UNC5D: variants seen among roughly 807,000 people sequenced by gnomAD.
The protein encoded by UNC5D is netrin receptor UNC5D.
UNC5D carries 39 observed loss-of-function variants against 105.4 expected under a neutral mutation model. The ratio of observed to expected loss-of-function variants is 0.37; its 90% CI spans 0.29 to 0.48. UNC5D has a LOEUF of 0.48. Ranked by LOEUF, UNC5D falls within the 20% of genes least tolerant of loss-of-function variation. UNC5D has a pLI of 0.98. For missense variants in UNC5D, 991 were observed against 1,202.4 expected (o/e 0.82, Z 2.60); for synonymous variants, 452 against 450.4 (o/e 1.00, Z -0.04).
chr8:35,751,669 A>G (rs1330502760), intron 13 of UNC5D, among the ~76,000 whole-genome samples: 2 of 152,188 alleles, frequency 1.3e-5, no homozygotes, highest in African/African-American at 4.8e-5. Flanking sequence ...TGACTGGGAT[A>G]CCTACCTTGA....
intron 1 of UNC5D, among the ~76,000 whole-genome samples, chr8:35,279,420 A>G (rs1014679902): frequency 2.0e-5 from 3 of 152,250 alleles, no homozygotes; most frequent in Non-Finnish European, 4.4e-5. Context: ...AACTTTTACA[A>G]TATCCAGAGA....
intron 9 of UNC5D, among the ~76,000 whole-genome samples, chr8:35,725,079 C>T (rs1403610295): frequency 6.6e-6 from 1 of 152,198 alleles, no homozygotes; most frequent in Non-Finnish European, 1.5e-5. Flanking sequence ...AGATTTCCTA[C>T]TGGCGTTGCT....
chr8:35,525,700 C>T, intron 1 of UNC5D: 1 of 1,600,902 alleles, frequency 6.2e-7, no homozygotes, highest in Non-Finnish European at 8.5e-7. Context: ...AGCCGCTGCT[C>T]CTGGCACGTC....
At chr8:35,551,861 C>T (rs1816173751) in intron 2 of UNC5D, among the ~76,000 whole-genome samples, 1 of 151,398 alleles carries the variant, frequency 6.6e-6, no homozygotes, top group Non-Finnish European at 1.5e-5. Context: ...AAAGAAGTTA[C>T]CAGGGGATGC....
At chr8:35,490,628 A>T (rs1811153066) in intron 1 of UNC5D, among the ~76,000 whole-genome samples, 1 of 152,276 alleles carries the variant, frequency 6.6e-6, no homozygotes, top group African/African-American at 2.4e-5. Flanking sequence ...AGGATCTTTG[A>T]TGGTAATATA....
At chr8:35,260,768 G>A (rs1319461957) in intron 1 of UNC5D, among the ~76,000 whole-genome samples, 1 of 152,138 alleles carries the variant, frequency 6.6e-6, no homozygotes, top group Non-Finnish European at 1.5e-5. Flanking sequence ...TTGAACAATG[G>A]CGTAGGGAGC....
At chr8:35,384,266 A>C (rs1246230528) in intron 1 of UNC5D, among the ~76,000 whole-genome samples, 1 of 152,036 alleles carries the variant, frequency 6.6e-6, no homozygotes, top group Non-Finnish European at 1.5e-5. Flanking sequence ...ATATGGTCTT[A>C]TATGTGTATT....
chr8:35,578,757 A>C (rs997992896), intron 3 of UNC5D, among the ~76,000 whole-genome samples: 8 of 152,202 alleles, frequency 5.3e-5, no homozygotes, highest in Admixed American at 3.9e-4. Flanking sequence ...TATGTAATTG[A>C]TATAAGTTGT....
intron 14 of UNC5D, among the ~76,000 whole-genome samples, chr8:35,766,341 C>T (rs905322520): frequency 1.3e-5 from 2 of 151,968 alleles, no homozygotes; most frequent in African/African-American, 2.4e-5. Context: ...CTCCCTCTTT[C>T]TCTCCCTGGC....
chr8:35,533,373 A>C (rs1469642347), intron 1 of UNC5D, among the ~76,000 whole-genome samples: 2 of 152,050 alleles, frequency 1.3e-5, no homozygotes, highest in African/African-American at 4.8e-5. Context: ...GTCAGGGGTC[A>C]GGGACCCACT....
At chr8:35,314,981 C>T (rs555479572) in intron 1 of UNC5D, among the ~76,000 whole-genome samples, 2 of 152,114 alleles carry the variant, frequency 1.3e-5, no homozygotes, top group Admixed American at 6.6e-5. Context: ...TTTATCAGGT[C>T]GGTGAGAGTA....
intron 10 of UNC5D, 169 bp downstream of exon 10, chr8:35,726,698 C>G (rs1043108820): frequency 1.0e-4 from 104 of 1,041,150 alleles, no homozygotes; most frequent in Non-Finnish European, 1.2e-4. Context: ...AGAACCAATG[C>G]TGAGATTAGA....
intron 1 of UNC5D, among the ~76,000 whole-genome samples, chr8:35,317,364 T>C (rs1339629051): frequency 6.6e-6 from 1 of 152,146 alleles, no homozygotes; most frequent in Non-Finnish European, 1.5e-5. Context: ...GTAGTTTGGG[T>C]CATCTGGTCA....
chr8:35,746,000 C>G (rs1829987844), intron 11 of UNC5D, among the ~76,000 whole-genome samples: 1 of 151,594 alleles, frequency 6.6e-6, no homozygotes, highest in South Asian at 2.1e-4. Context: ...TGTCCACATC[C>G]AATTAAAGGC....
At chr8:35,294,059 A>C (rs1190777352) in intron 1 of UNC5D, among the ~76,000 whole-genome samples, 8 of 152,210 alleles carry the variant, frequency 5.3e-5, no homozygotes, top group Non-Finnish European at 1.2e-4. Context: ...TCAATGAAAT[A>C]AATCCAAGAG....
intron 1 of UNC5D, among the ~76,000 whole-genome samples, chr8:35,329,702 G>A (rs1397991340): frequency 6.6e-6 from 1 of 152,046 alleles, no homozygotes; most frequent in Non-Finnish European, 1.5e-5. Flanking sequence ...CTGTAACTGG[G>A]GCCTAGTGCA....
intron 1 of UNC5D, among the ~76,000 whole-genome samples, chr8:35,285,907 T>C (rs1469182460): frequency 1.3e-5 from 2 of 152,196 alleles, no homozygotes; most frequent in East Asian, 1.9e-4. Context: ...AGTTAGCACA[T>C]TTTATATGAC....
At chr8:35,335,556 T>TA (rs1248040412) in intron 1 of UNC5D, among the ~76,000 whole-genome samples, 1 of 152,172 alleles carries the variant, frequency 6.6e-6, no homozygotes, top group Non-Finnish European at 1.5e-5. Flanking sequence ...ATTTTAGTGT[T>TA]AAAATTTTTA....
intron 1 of UNC5D, among the ~76,000 whole-genome samples, chr8:35,390,213 A>T (rs1803684524): frequency 6.6e-6 from 1 of 152,190 alleles, no homozygotes; most frequent in Non-Finnish European, 1.5e-5. Context: ...CAATACCAAG[A>T]GGGATGGTGA....
Sources: gnomAD v4.1 joint callset for allele counts (sites outside exome capture counted in the v4.1 genomes callset) on GRCh38, gnomAD v4.1.1 for gene constraint, MANE v1.5 for transcripts, NCBI Gene and HGNC (gene_info 2026-07-23, HGNC 2026-07-21) for gene names.